TRIOBP: variants seen among roughly 807,000 people sequenced by gnomAD.
TRIOBP encodes TRIO and F-actin-binding protein.
A neutral mutation model predicts 238.8 loss-of-function variants in TRIOBP; 169 were observed. That is an observed-to-expected ratio of 0.71 (90% CI 0.62 to 0.80). The LOEUF is 0.80. Ranked by LOEUF, TRIOBP falls within the 30% of genes least tolerant of loss-of-function variation. The probability of loss-of-function intolerance (pLI) is 0.00; values close to 1 mark genes in which losing one functional copy is unlikely to be tolerated. For missense variants in TRIOBP, 2,838 were observed against 3,122.6 expected (o/e 0.91, Z 2.17); for synonymous variants, 1,150 against 1,274.4 (o/e 0.90, Z 2.08).
chr22:37,722,676 G>A (rs768620602), intron 6 of TRIOBP, among the ~76,000 whole-genome samples: 2 of 152,154 alleles, frequency 1.3e-5, no homozygotes, highest in Non-Finnish European at 2.9e-5. Context: ...GCCATGAGCC[G>A]AGATCACGCC....
At chr22:37,768,946 T>A in intron 19 of TRIOBP, 82 bp from the exon 20 acceptor site, 5 of 1,598,838 alleles carry the variant, frequency 3.1e-6, no homozygotes, top group Non-Finnish European at 2.6e-6. Context: ...AGTCCTGGGA[T>A]GCTTTAAGTC....
chr22:37,773,875 T>A lies in TRIOBP; in HGVS notation c.*95T>A, dbSNP rs1023539718. The A allele has an allele frequency of 1.3e-5, 2 of 152,060 alleles. No individual in the cohort carries two copies. Among genetic ancestry groups the A allele is most frequent in the African/African-American group, 4.9e-5 (2 of 41,130 alleles). The allele number at this position is 152,060 out of a possible 1,614,324, so 9.4% of individuals were successfully genotyped here. ...AAAAAGCCAAGCTTTCTCCCCACCC[T>A]CTGTGGGCCACACGTGCACTTGCAC... On this transcript the variant is annotated 3_prime_UTR_variant, in exon 24 of 24. Coordinates refer to ENST00000644935, the MANE Select transcript of TRIOBP (RefSeq NM_001039141.3).
chr22:37,765,875 C>T (rs1290368504), intron 18 of TRIOBP, 58 bp downstream of exon 18: 8 of 1,531,592 alleles, frequency 5.2e-6, no homozygotes, highest in African/African-American at 1.4e-5. Context: ...GCTGAGGTTC[C>T]TCCTAGCCAA....
chr22:37,769,240 C>T (rs1339476705), intron 20 of TRIOBP, 22 bp from the exon 21 acceptor site: 2 of 1,606,538 alleles, frequency 1.2e-6, no homozygotes, highest in Non-Finnish European at 1.7e-6. Flanking sequence ...CACCCCTCCC[C>T]TGACCACCGT....
At chr22:37,712,201 A>T (rs966329057) in intron 4 of TRIOBP, among the ~76,000 whole-genome samples, 4 of 151,928 alleles carry the variant, frequency 2.6e-5, no homozygotes, top group African/African-American at 9.7e-5. Context: ...TATTATTATT[A>T]TTTTGAGATG....
chr22:37,751,540 C>T, intron 11 of TRIOBP: 1 of 579,676 alleles, frequency 1.7e-6, no homozygotes, highest in African/African-American at 1.9e-5. Context: ...CCACCCAGCC[C>T]AACTTCTTGG....
intron 7 of TRIOBP, among the ~76,000 whole-genome samples, chr22:37,726,912 G>T (rs201238637): frequency 4.0e-4 from 59 of 145,814 alleles, no homozygotes; most frequent in African/African-American, 1.4e-3. Flanking sequence ...TTTATTTTTT[G>T]TTTTTTTTTT....
chr22:37,765,833 G>GA lies in TRIOBP; in HGVS notation c.6472+16_6472+17insA, dbSNP rs575380344. 22 of 1,582,268 alleles carry GA rather than the reference G, an allele frequency of 1.4e-5. No individual in the cohort carries two copies. The highest frequency in any genetic ancestry group is 2.3e-5 in the East Asian group (1 of 43,876). On this transcript the variant is annotated intron_variant, in intron 18 of 23. Coordinates refer to ENST00000644935, the MANE Select transcript of TRIOBP (RefSeq NM_001039141.3). ...ACGGCCTCAGGTATGGACCCTGGGG[G>GA]GGGCACAGTGGGCTGGGCTCTGAGC...
chr22:37,720,913 A>G (rs542850621), intron 6 of TRIOBP, among the ~76,000 whole-genome samples: 2 of 152,138 alleles, frequency 1.3e-5, no homozygotes, highest in Admixed American at 1.3e-4. Flanking sequence ...GCTGGAGTGC[A>G]GTGGCCAGAT....
chr22:37,704,588 G>A (rs1601617052), intron 3 of TRIOBP, among the ~76,000 whole-genome samples: 1 of 151,684 alleles, frequency 6.6e-6, no homozygotes, highest in South Asian at 2.1e-4. Flanking sequence ...TTTAATCTTG[G>A]TTGTGATAAA....
At position 37,734,865 on chromosome 22, in the gene TRIOBP, G is replaced by A. The variant is rs1437183842; in HGVS notation, c.4529G>A (p.Ser1510Asn). 2 of 1,612,906 alleles carry A rather than the reference G, an allele frequency of 1.2e-6. No individual in the cohort carries two copies. Among genetic ancestry groups the A allele is most frequent in the Non-Finnish European group, 1.7e-6 (2 of 1,180,006 alleles). Residue 1510 changes from serine to asparagine, a missense_variant, in exon 9 of 24, where the codon AGC (serine) becomes AAC (asparagine). Coordinates refer to ENST00000644935, the MANE Select transcript of TRIOBP (RefSeq NM_001039141.3). ...CTCCCCAGAGAACTAGGAAAGAGAA[G>A]CCCACTCACGAGCCCCCCTGAGAAC... ...HELPRELGKR[S>N]PLTSPPENWG...
chr22:37,711,598 A>C (rs1569034706), intron 4 of TRIOBP, among the ~76,000 whole-genome samples: 6 of 149,472 alleles, frequency 4.0e-5, no homozygotes, highest in African/African-American at 1.5e-4. Context: ...AAAAACAACA[A>C]AAAAAAAAAA....
intron 21 of TRIOBP, among the ~76,000 whole-genome samples, chr22:37,770,792 C>T (rs562610427): frequency 1.3e-5 from 2 of 152,156 alleles, no homozygotes; most frequent in African/African-American, 4.8e-5. Context: ...ATGCCATTCT[C>T]CTGCCTCAGC....
chr22:37,733,471 C>T, intron 8 of TRIOBP, 59 bp downstream of exon 8: 2 of 1,334,646 alleles, frequency 1.5e-6, no homozygotes, highest in East Asian at 2.5e-5. Context: ...TGCCTCTTCC[C>T]TCCCGCTAGA....
chr22:37,742,509 C>T (rs1181781335), intron 11 of TRIOBP, among the ~76,000 whole-genome samples: 1 of 152,140 alleles, frequency 6.6e-6, no homozygotes, highest in African/African-American at 2.4e-5. Flanking sequence ...GTGATCCGCC[C>T]GCCCTGGCCT....
intron 11 of TRIOBP, among the ~76,000 whole-genome samples, chr22:37,745,054 G>C (rs566911908): frequency 6.6e-6 from 1 of 151,916 alleles, no homozygotes; most frequent in East Asian, 1.9e-4. Context: ...TAGTAGAGAC[G>C]GGGTTTCACC....
At chr22:37,727,523 C>T (rs1328704936) in intron 7 of TRIOBP, among the ~76,000 whole-genome samples, 2 of 151,964 alleles carry the variant, frequency 1.3e-5, no homozygotes, top group African/African-American at 2.4e-5. Flanking sequence ...AAAAAATTAG[C>T]TGGGCATGGT....
intron 6 of TRIOBP, among the ~76,000 whole-genome samples, chr22:37,722,411 G>A (rs1923877551): frequency 7.1e-6 from 1 of 140,798 alleles, no homozygotes. Context: ...CTGGGTGACA[G>A]AACGAGACTC....
Position 37,751,748 on chromosome 22 carries a change from A to G in TRIOBP, c.5323-24A>G, listed in dbSNP as rs1925617537. 6 of 1,613,260 alleles carry G rather than the reference A, an allele frequency of 3.7e-6. No individual in the cohort carries two copies. In the African/African-American group the frequency reaches 6.7e-5, roughly 18 times the overall value. Reference sequence around the variant, plus strand: ...ATTGGCTTCCTGCTGGACCCAACTCACCTCCCTCCTCATCTCCCCACAGCC... The same window carrying G: ...ATTGGCTTCCTGCTGGACCCAACTCGCCTCCCTCCTCATCTCCCCACAGCC... On this transcript the variant is annotated intron_variant, in intron 11 of 23. Transcript: ENST00000644935.
Sources: gnomAD v4.1 joint callset for allele counts (sites outside exome capture counted in the v4.1 genomes callset) on GRCh38, gnomAD v4.1.1 for gene constraint, MANE v1.5 for transcripts, NCBI Gene and HGNC (gene_info 2026-07-23, HGNC 2026-07-21) for gene names.